FERRY3: variants seen among roughly 807,000 people sequenced by gnomAD.
The protein encoded by FERRY3 is protein C12orf4.
chr12:4,501,619 T>G, the FERRY3 span, among the ~76,000 whole-genome samples: 2 of 152,096 alleles, frequency 1.3e-5, no homozygotes, highest in African/African-American at 4.8e-5. Flanking sequence ...CCTTATGAGA[T>G]TCTAATGCCT....
chr12:4,510,116 G>A, the FERRY3 span, among the ~76,000 whole-genome samples: 9 of 140,242 alleles, frequency 6.4e-5, no homozygotes, highest in South Asian at 4.4e-4. Flanking sequence ...CTCAGGAGCC[G>A]ATGCGATCAA....
chr12:4,533,967 C>G, the FERRY3 span: 1 of 471,762 alleles, frequency 2.1e-6, no homozygotes, highest in Admixed American at 4.4e-5. Flanking sequence ...AAAGGTATTA[C>G]ATAAATAGCA....
chr12:4,500,087 A>G, the FERRY3 span: 1 of 1,521,872 alleles, frequency 6.6e-7, no homozygotes, highest in South Asian at 1.1e-5. Context: ...GGTTAAATCA[A>G]TATTATGATT....
the FERRY3 span, chr12:4,536,206 G>A: frequency 1.3e-6 from 2 of 1,535,816 alleles, no homozygotes; most frequent in Admixed American, 2.0e-5. Flanking sequence ...TTCTTTGACA[G>A]GATTTCTACA....
the FERRY3 span, among the ~76,000 whole-genome samples, chr12:4,514,242 A>G: frequency 1.1e-4 from 17 of 150,272 alleles, no homozygotes; most frequent in South Asian, 3.6e-3. Context: ...AAGTCAGGAA[A>G]CAACAGGTGC....
the FERRY3 span, chr12:4,509,392 C>T: frequency 5.8e-5 from 9 of 155,584 alleles, no homozygotes; most frequent in East Asian, 1.9e-4. Context: ...GGGCAGAGCC[C>T]ACCACAGCTC....
the FERRY3 span, among the ~76,000 whole-genome samples, chr12:4,491,973 G>A: frequency 6.6e-6 from 1 of 152,146 alleles, no homozygotes; most frequent in African/African-American, 2.4e-5. Flanking sequence ...CCAGCTACTT[G>A]AGAGGTTGAA....
chr12:4,515,855 A>G, the FERRY3 span, among the ~76,000 whole-genome samples: 1 of 152,206 alleles, frequency 6.6e-6, no homozygotes, highest in Non-Finnish European at 1.5e-5. Flanking sequence ...AAATATGCTA[A>G]TTCGTTTGAA....
the FERRY3 span, among the ~76,000 whole-genome samples, chr12:4,527,008 C>G: frequency 6.6e-6 from 1 of 152,022 alleles, no homozygotes; most frequent in Non-Finnish European, 1.5e-5. Flanking sequence ...AGGCAGATGA[C>G]TCCATTAACT....
the FERRY3 span, among the ~76,000 whole-genome samples, chr12:4,521,239 A>G: frequency 2.6e-5 from 4 of 152,110 alleles, no homozygotes; most frequent in Non-Finnish European, 5.9e-5. Context: ...TACGCCTGTA[A>G]TCCCAGCTAC....
the FERRY3 span, among the ~76,000 whole-genome samples, chr12:4,490,358 C>T: frequency 6.6e-6 from 1 of 152,152 alleles, no homozygotes; most frequent in East Asian, 1.9e-4. Context: ...TTTGACAATA[C>T]ACTAAGTGCC....
the FERRY3 span, chr12:4,516,933 A>G: frequency 2.1e-6 from 2 of 961,648 alleles, no homozygotes; most frequent in African/African-American, 1.7e-5. Context: ...AAAAAACTTA[A>G]AAAAATCTTA....
chr12:4,512,433 A>G, the FERRY3 span, among the ~76,000 whole-genome samples: 28 of 152,364 alleles, frequency 1.8e-4, no homozygotes, highest in East Asian at 4.9e-3. Context: ...CAGAGACACA[A>G]CCAAAAAAGC....
chr12:4,529,638 T>C, the FERRY3 span, among the ~76,000 whole-genome samples: 3 of 152,160 alleles, frequency 2.0e-5, no homozygotes, highest in Non-Finnish European at 1.5e-5. Context: ...TAAGAATATA[T>C]AAGGCCCACC....
chr12:4,494,356 G>T, the FERRY3 span, among the ~76,000 whole-genome samples: 1 of 151,980 alleles, frequency 6.6e-6, no homozygotes, highest in African/African-American at 2.4e-5. Flanking sequence ...AATTTATTAC[G>T]TTCGTCTTTT....
At chr12:4,529,083 A>G in the FERRY3 span, among the ~76,000 whole-genome samples, 2 of 152,174 alleles carry the variant, frequency 1.3e-5, no homozygotes, top group Non-Finnish European at 2.9e-5. Flanking sequence ...ACAATGGATT[A>G]TCTAGAAGGA....
At chr12:4,495,708 C>A in the FERRY3 span, among the ~76,000 whole-genome samples, 3 of 152,132 alleles carry the variant, frequency 2.0e-5, no homozygotes, top group African/African-American at 7.2e-5. Context: ...TTCGTTGTCC[C>A]ACTTGTCCAA....
At chr12:4,510,388 CA>C in the FERRY3 span, among the ~76,000 whole-genome samples, 1 of 114,866 alleles carries the variant, frequency 8.7e-6, no homozygotes, top group Non-Finnish European at 1.7e-5. Flanking sequence ...TCAGGAAATA[CA>C]GAGAACGCCA....
chr12:4,527,847 T>C, the FERRY3 span, among the ~76,000 whole-genome samples: 2 of 151,762 alleles, frequency 1.3e-5, no homozygotes, highest in African/African-American at 2.4e-5. Flanking sequence ...TCAAGAAATA[T>C]GGCCAAATAT....
Sources: allele counts gnomAD v4.1 joint callset (sites outside exome capture counted in the v4.1 genomes callset), GRCh38; gene constraint gnomAD v4.1.1; transcripts MANE v1.5; gene names NCBI Gene and HGNC (gene_info 2026-07-23, HGNC 2026-07-21).